GALNT2: variants seen among roughly 807,000 people sequenced by gnomAD.
GALNT2 encodes polypeptide N-acetylgalactosaminyltransferase 2.
GALNT2 carries 31 observed loss-of-function variants against 81.4 expected under a neutral mutation model. The ratio of observed to expected loss-of-function variants is 0.38; its 90% CI spans 0.29 to 0.51. The LOEUF (loss-of-function observed/expected upper bound fraction) is 0.51, where lower values mean the gene tolerates loss of function less well. Among genes scored for constraint, GALNT2 ranks in the 20% least tolerant of loss-of-function variants. GALNT2 has a pLI of 0.87. For missense variants in GALNT2, 629 were observed against 765.7 expected, an observed-to-expected ratio of 0.82 and a Z score of 2.11; for synonymous variants, 303 against 287.4, an observed-to-expected ratio of 1.05 and a Z score of -0.55.
upstream of GALNT2, among the ~76,000 whole-genome samples, chr1:230,066,624 G>T (rs962580488): frequency 6.6e-6 from 1 of 152,208 alleles, no homozygotes; most frequent in African/African-American, 2.4e-5. Flanking sequence ...CAGCAAAGTC[G>T]GGTTCAAGCG....
chr1:230,234,298 G>A (rs1664958258), intron 3 of GALNT2, among the ~76,000 whole-genome samples: 1 of 152,162 alleles, frequency 6.6e-6, no homozygotes, highest in African/African-American at 2.4e-5. Context: ...GGAGGAGAAG[G>A]TCAGAGAGAG....
At position 230,279,720 on chromosome 1, in the gene GALNT2, G is replaced by C; in HGVS notation, c.*262G>C. On this transcript the variant is annotated 3_prime_UTR_variant, in exon 16 of 16. Coordinates refer to ENST00000366672, the MANE Select transcript of GALNT2 (RefSeq NM_004481.5). This position sits in a 1 kb window ranked among gnomAD's most constrained non-coding sequence, Gnocchi z 4.6. Reference sequence around the variant, plus strand: ...GGCCGGAGCGCCCCTCTTCCTTCCAGCTTTCACTTCTGCCGGCTCCGCAAC... The same window carrying C: ...GGCCGGAGCGCCCCTCTTCCTTCCACCTTTCACTTCTGCCGGCTCCGCAAC... 1 of 545,092 alleles carries C rather than the reference G, an allele frequency of 1.8e-6. No individual in the cohort carries two copies. The highest frequency in any genetic ancestry group is 3.4e-6 in the Non-Finnish European group (1 of 292,596). The allele number at this position is 545,092 out of a possible 1,614,324, so 33.8% of individuals were successfully genotyped here.
At chr1:230,186,824 C>T (rs1424280214) in intron 2 of GALNT2, among the ~76,000 whole-genome samples, 2 of 152,212 alleles carry the variant, frequency 1.3e-5, no homozygotes, top group Non-Finnish European at 2.9e-5. Context: ...GATAAATGCA[C>T]AATGTCTTTT....
intron 3 of GALNT2, among the ~76,000 whole-genome samples, chr1:230,205,176 G>A (rs766238382): frequency 6.6e-6 from 1 of 152,148 alleles, no homozygotes; most frequent in Non-Finnish European, 1.5e-5. Flanking sequence ...CACACACACT[G>A]CATACAGTGA....
At chr1:230,225,877 C>G (rs1327659034) in intron 3 of GALNT2, among the ~76,000 whole-genome samples, 1 of 152,102 alleles carries the variant, frequency 6.6e-6, no homozygotes, top group African/African-American at 2.4e-5. Context: ...GGGGCCTTTT[C>G]GAATTCAGAT....
At chr1:230,229,718 A>C (rs1325530027) in intron 3 of GALNT2, among the ~76,000 whole-genome samples, 1 of 152,230 alleles carries the variant, frequency 6.6e-6, no homozygotes, top group East Asian at 1.9e-4. Flanking sequence ...GCAGTGTAGC[A>C]GTGAGGGTGA....
chr1:230,273,600 C>G (rs1205040802), intron 14 of GALNT2, among the ~76,000 whole-genome samples: 2 of 152,242 alleles, frequency 1.3e-5, no homozygotes, highest in Non-Finnish European at 2.9e-5. Flanking sequence ...CCTCTGCCAC[C>G]TGGGACCATG....
At chr1:230,090,932 G>T (rs1362008647) in intron 1 of GALNT2, among the ~76,000 whole-genome samples, 1 of 152,126 alleles carries the variant, frequency 6.6e-6, no homozygotes, top group East Asian at 1.9e-4. Context: ...TATCAATGGG[G>T]GATTGGGGTT....
At chr1:230,273,822 C>T (rs1666213883) in intron 14 of GALNT2, among the ~76,000 whole-genome samples, 1 of 152,200 alleles carries the variant, frequency 6.6e-6, no homozygotes, top group Non-Finnish European at 1.5e-5. Context: ...TGGCACATAG[C>T]ACCCCATTAA....
chr1:230,101,998 C>A (rs147592588), intron 1 of GALNT2, among the ~76,000 whole-genome samples: 1 of 152,294 alleles, frequency 6.6e-6, no homozygotes, highest in African/African-American at 2.4e-5. Flanking sequence ...CTTTGTTTTC[C>A]GAATGGTTTT....
intron 1 of GALNT2, among the ~76,000 whole-genome samples, chr1:230,059,424 C>T (rs1020158956): frequency 1.3e-5 from 2 of 152,180 alleles, no homozygotes; most frequent in Non-Finnish European, 2.9e-5. Flanking sequence ...CTACTCATTA[C>T]CTTACCTGTA....
chr1:230,179,629 AT>A (rs1206248983), intron 2 of GALNT2, among the ~76,000 whole-genome samples: 1 of 152,088 alleles, frequency 6.6e-6, no homozygotes. Context: ...CCTTTTGCGC[AT>A]TTTTAATCCA....
intron 1 of GALNT2, among the ~76,000 whole-genome samples, chr1:230,117,242 T>C (rs1660874221): frequency 6.6e-6 from 1 of 152,256 alleles, no homozygotes; most frequent in Non-Finnish European, 1.5e-5. Flanking sequence ...AGGGCCTTGC[T>C]CTGGATTAGG....
intron 10 of GALNT2, among the ~76,000 whole-genome samples, chr1:230,252,343 C>T (rs917641253): frequency 6.6e-6 from 1 of 152,150 alleles, no homozygotes; most frequent in African/African-American, 2.4e-5. Context: ...TTCCCATTTT[C>T]CTAATCATGT....
chr1:230,177,750 C>G (rs1663030450), intron 1 of GALNT2, among the ~76,000 whole-genome samples: 1 of 152,180 alleles, frequency 6.6e-6, no homozygotes, highest in Non-Finnish European at 1.5e-5. Context: ...ATTTAACACT[C>G]TCTGAGGGGA....
At chr1:230,237,446 A>G (rs943591034) in intron 6 of GALNT2, among the ~76,000 whole-genome samples, 2 of 152,140 alleles carry the variant, frequency 1.3e-5, no homozygotes, top group African/African-American at 2.4e-5. Context: ...CCCATGCCAC[A>G]TTTGCTATTT....
chr1:230,217,870 G>A (rs938715618), intron 3 of GALNT2, among the ~76,000 whole-genome samples: 1 of 152,288 alleles, frequency 6.6e-6, no homozygotes, highest in African/African-American at 2.4e-5. Flanking sequence ...CCTCTTAAAG[G>A]TTCTGTCACC....
intron 1 of GALNT2, among the ~76,000 whole-genome samples, chr1:230,100,655 G>A (rs551938089): frequency 2.0e-5 from 3 of 152,286 alleles, no homozygotes; most frequent in South Asian, 2.1e-4. Flanking sequence ...CCTGTGAGGC[G>A]TATGTAGTGT....
intron 1 of GALNT2, among the ~76,000 whole-genome samples, chr1:230,174,607 G>A (rs1024765138): frequency 2.6e-5 from 4 of 151,682 alleles, no homozygotes; most frequent in Admixed American, 1.3e-4. Flanking sequence ...CTTCCCCTTC[G>A]CACTCCTCCT....
Sources: allele counts gnomAD v4.1 joint callset (sites outside exome capture counted in the v4.1 genomes callset), GRCh38; gene constraint gnomAD v4.1.1; non-coding constraint Gnocchi (gnomAD v3.1); transcripts MANE v1.5; gene names NCBI Gene and HGNC (gene_info 2026-07-23, HGNC 2026-07-21).